The following DLG2 variants were observed in gnomAD, a reference collection of about 807,000 sequenced individuals.
The protein encoded by DLG2 is discs large MAGUK scaffold protein 2, also known as disks large homolog 2.
In DLG2, 45 loss-of-function variants were observed where a neutral mutation model predicts 132.5. The observed-to-expected ratio is 0.34, with a 90% CI of 0.27 to 0.44. The LOEUF is 0.44. DLG2 is among the 20% of genes least tolerant of loss of function. DLG2 has a pLI of 1.00. For missense variants in DLG2, 1,045 were observed against 1,196.9 expected (o/e 0.87, Z 1.87); for synonymous variants, 424 against 419.6 (o/e 1.01, Z -0.13).
intron 3 of DLG2, among the ~76,000 whole-genome samples, chr11:85,451,436 A>C (rs530015737): frequency 6.6e-6 from 1 of 152,226 alleles, no homozygotes; most frequent in South Asian, 2.1e-4. Flanking sequence ...AAAATATTAA[A>C]CTGGCTCATG....
intron 8 of DLG2, among the ~76,000 whole-genome samples, chr11:84,214,441 A>G (rs2096808019): frequency 6.6e-6 from 1 of 151,660 alleles, no homozygotes; most frequent in Non-Finnish European, 1.5e-5. Flanking sequence ...ATGTTTATAT[A>G]TGTATAAACA....
chr11:85,497,112 C>T (rs1414346072), intron 3 of DLG2, among the ~76,000 whole-genome samples: 1 of 151,792 alleles, frequency 6.6e-6, no homozygotes, highest in African/African-American at 2.4e-5. Flanking sequence ...TTCAGAAAGT[C>T]ACTAATAACA....
chr11:84,002,241 C>A (rs528020560), intron 11 of DLG2, among the ~76,000 whole-genome samples: 17 of 152,166 alleles, frequency 1.1e-4, no homozygotes, highest in Non-Finnish European at 2.4e-4. Context: ...TTGATACATG[C>A]ATTAGTCTGT....
At chr11:84,760,807 G>C (rs1415194659) in intron 6 of DLG2, among the ~76,000 whole-genome samples, 3 of 152,132 alleles carry the variant, frequency 2.0e-5, no homozygotes, top group Non-Finnish European at 4.4e-5. Context: ...TAGAGAAAGA[G>C]AGGAGGGATG....
intron 18 of DLG2, among the ~76,000 whole-genome samples, chr11:83,774,175 CCA>C (rs1206151509): frequency 6.6e-6 from 1 of 152,168 alleles, no homozygotes; most frequent in Non-Finnish European, 1.5e-5. Flanking sequence ...GGCGTTATCT[CCA>C]CATCAGTTTT....
At chr11:84,943,155 TGTGTGTGTGTGC>T (rs1390614533) in intron 6 of DLG2, among the ~76,000 whole-genome samples, 1 of 138,236 alleles carries the variant, frequency 7.2e-6, no homozygotes, top group East Asian at 2.2e-4. Flanking sequence ...TTTTGGGTCG[TGTGTGTGTGTGC>T]GTGTGTGTGT....
chr11:84,670,390 T>A (rs1445232841), intron 6 of DLG2, among the ~76,000 whole-genome samples: 2 of 152,120 alleles, frequency 1.3e-5, no homozygotes, highest in Non-Finnish European at 2.9e-5. Context: ...ATGATTTTGA[T>A]GTAAATCATG....
chr11:85,280,290 T>A (rs2078146925), intron 4 of DLG2, among the ~76,000 whole-genome samples: 1 of 152,032 alleles, frequency 6.6e-6, no homozygotes, highest in African/African-American at 2.4e-5. Context: ...GCACTTTACA[T>A]GCCTGATAGC....
At chr11:84,223,780 C>G (rs187957286) in intron 8 of DLG2, among the ~76,000 whole-genome samples, 1 of 152,172 alleles carries the variant, frequency 6.6e-6, no homozygotes, top group African/African-American at 2.4e-5. Flanking sequence ...TGGCCTCAAA[C>G]TCCTGACCTC....
chr11:84,173,707 T>C (rs1268944810), intron 8 of DLG2, among the ~76,000 whole-genome samples: 1 of 152,196 alleles, frequency 6.6e-6, no homozygotes, highest in Non-Finnish European at 1.5e-5. Flanking sequence ...TTTGTTTGTG[T>C]TCCACTATTA....
At chr11:85,583,148 A>G (rs1459290444) in intron 3 of DLG2, among the ~76,000 whole-genome samples, 18 of 113,224 alleles carry the variant, frequency 1.6e-4, no homozygotes, top group East Asian at 7.1e-4. Context: ...ATATATATAT[A>G]TATATATATA....
At chr11:85,242,404 C>A (rs955170678) in intron 4 of DLG2, among the ~76,000 whole-genome samples, 1 of 151,622 alleles carries the variant, frequency 6.6e-6, no homozygotes, top group Non-Finnish European at 1.5e-5. Context: ...GTATTTTGTA[C>A]CCATTACTCT....
intron 8 of DLG2, among the ~76,000 whole-genome samples, chr11:84,190,295 T>G (rs970389872): frequency 1.3e-5 from 2 of 152,116 alleles, no homozygotes; most frequent in African/African-American, 4.8e-5. Context: ...TCAAATGCAC[T>G]CCTTGTACTA....
chr11:85,549,847 C>T (rs2076563842), intron 3 of DLG2, among the ~76,000 whole-genome samples: 1 of 152,182 alleles, frequency 6.6e-6, no homozygotes, highest in African/African-American at 2.4e-5. Flanking sequence ...GACCAGTTTA[C>T]AAATGCCATG....
At chr11:83,560,632 G>A (rs1467360795) in intron 19 of DLG2, among the ~76,000 whole-genome samples, 1 of 152,144 alleles carries the variant, frequency 6.6e-6, no homozygotes, top group Non-Finnish European at 1.5e-5. Flanking sequence ...AGTGATCCAG[G>A]CTACTCCCAA....
chr11:83,602,347 T>A (rs1375184800), intron 19 of DLG2, among the ~76,000 whole-genome samples: 1 of 152,246 alleles, frequency 6.6e-6, no homozygotes, highest in East Asian at 1.9e-4. Flanking sequence ...TCTGAGTCAT[T>A]ATTTTCCAGC....
intron 18 of DLG2, among the ~76,000 whole-genome samples, chr11:83,761,536 GTTGT>G (rs1414887188): frequency 9.9e-5 from 15 of 152,106 alleles, no homozygotes; most frequent in Non-Finnish European, 2.1e-4. Flanking sequence ...CTTTGTTCCT[GTTGT>G]TTATTTCTGT....
chr11:84,771,873 T>C (rs978103500), intron 6 of DLG2, among the ~76,000 whole-genome samples: 1 of 151,924 alleles, frequency 6.6e-6, no homozygotes, highest in Non-Finnish European at 1.5e-5. Context: ...AAAAGACCCA[T>C]CAGGATAAAA....
At chr11:84,311,914 A>T (rs1004755625) in intron 7 of DLG2, among the ~76,000 whole-genome samples, 1 of 152,234 alleles carries the variant, frequency 6.6e-6, no homozygotes, top group African/African-American at 2.4e-5. Flanking sequence ...TCTGCTTAAC[A>T]AACACGTACA....
Sources: gnomAD v4.1 joint callset for allele counts (sites outside exome capture counted in the v4.1 genomes callset) on GRCh38, gnomAD v4.1.1 for gene constraint, MANE v1.5 for transcripts, NCBI Gene and HGNC (gene_info 2026-07-23, HGNC 2026-07-21) for gene names.